Variants in SPIRE1 observed in about 807,000 individuals in gnomAD.
The protein encoded by SPIRE1 is spire type actin nucleation factor 1.
Under a neutral mutation model 94.1 loss-of-function variants are expected in SPIRE1, and 40 were observed. The ratio of observed to expected loss-of-function variants is 0.43; its 90% CI spans 0.33 to 0.55. The LOEUF (loss-of-function observed/expected upper bound fraction) is 0.55. Among genes scored for constraint, SPIRE1 ranks in the 20% least tolerant of loss-of-function variants. SPIRE1 has a pLI of 0.06. For synonymous variants in SPIRE1, 376 were observed against 371.7 expected, an observed-to-expected ratio of 1.01 and a Z score of -0.13; for missense variants, 838 against 975.2, an observed-to-expected ratio of 0.86 and a Z score of 1.87.
intron 1 of SPIRE1, among the ~76,000 whole-genome samples, chr18:12,646,557 G>A (rs992156104): frequency 2.0e-5 from 3 of 152,076 alleles, no homozygotes; most frequent in African/African-American, 7.2e-5. Flanking sequence ...ACCAAACCCT[G>A]GGACCAGGCA....
chr18:12,619,786 T>C (rs11875489), intron 2 of SPIRE1, among the ~76,000 whole-genome samples: 20,441 of 140,576 alleles, frequency 0.15, 1,659 homozygotes, highest in African/African-American at 0.21. Flanking sequence ...GTGGAGATTG[T>C]GGTGAGCCAA....
At chr18:12,661,407 T>C (rs984875152), upstream of SPIRE1, 4 of 961,270 alleles carry the variant, frequency 4.2e-6, no homozygotes, top group African/African-American at 1.8e-5. Flanking sequence ...GCCATTGATA[T>C]CTTCTCAGTG....
At chr18:12,624,702 G>T (rs1328287995) in intron 2 of SPIRE1, among the ~76,000 whole-genome samples, 1 of 151,370 alleles carries the variant, frequency 6.6e-6, no homozygotes, top group African/African-American at 2.4e-5. Flanking sequence ...AGGCATGGTG[G>T]TGGACACCTG....
intron 1 of SPIRE1, among the ~76,000 whole-genome samples, chr18:12,635,353 A>AT (rs1197336382): frequency 5.9e-5 from 9 of 152,194 alleles, no homozygotes; most frequent in Non-Finnish European, 1.2e-4. Context: ...ACATATGTAC[A>AT]TATTTAATAC....
intron 10 of SPIRE1, among the ~76,000 whole-genome samples, chr18:12,474,461 C>A (rs2032482198): frequency 6.6e-6 from 1 of 152,124 alleles, no homozygotes; most frequent in East Asian, 1.9e-4. Context: ...TCCCCATCTC[C>A]ATTTCCAGCT....
rs185991772 is a variant in SPIRE1, at chr18:12,488,397, G to A, written c.1190-2397C>T. On this transcript the variant is annotated intron_variant, in intron 8 of 16. Transcript: ENST00000409402. ...CCAGTGGGGAGGGCCTTTGTGGTTG[G>A]AGACGGACACACTGCAGAGCAGCAG... Among the ~76,000 whole-genome samples the A allele has an allele frequency of 1.9e-3, 292 of 152,280 alleles. 2 individuals are homozygous for A. The highest frequency in any genetic ancestry group is 3.9e-3 in the South Asian group (19 of 4,816).
At chr18:12,495,423 C>A (rs993980977) in intron 7 of SPIRE1, among the ~76,000 whole-genome samples, 6 of 151,986 alleles carry the variant, frequency 3.9e-5, no homozygotes, top group African/African-American at 1.5e-4. Flanking sequence ...TAGGTTGCAT[C>A]CTATAGTAAA....
At chr18:12,478,041 G>C (rs565006521) in intron 10 of SPIRE1, among the ~76,000 whole-genome samples, 47 of 152,182 alleles carry the variant, frequency 3.1e-4, no homozygotes, top group African/African-American at 1.1e-3. Flanking sequence ...GTGAGAAAGA[G>C]AGACCAACTG....
intron 4 of SPIRE1, among the ~76,000 whole-genome samples, chr18:12,518,352 G>A (rs1441260415): frequency 3.3e-5 from 5 of 152,130 alleles, no homozygotes; most frequent in Admixed American, 6.5e-5. Context: ...TGTAGGCCAA[G>A]TATGATGGCT....
intron 2 of SPIRE1, among the ~76,000 whole-genome samples, chr18:12,563,292 T>C (rs992040517): frequency 6.6e-6 from 1 of 152,042 alleles, no homozygotes; most frequent in Non-Finnish European, 1.5e-5. Flanking sequence ...ATCAAAATAA[T>C]ACAAATTTCA....
intron 8 of SPIRE1, among the ~76,000 whole-genome samples, chr18:12,487,009 T>C (rs548617744): frequency 1.3e-5 from 2 of 152,194 alleles, no homozygotes; most frequent in Non-Finnish European, 2.9e-5. Context: ...CCCACCAGCA[T>C]GCCTGGCTAC....
intron 4 of SPIRE1, among the ~76,000 whole-genome samples, chr18:12,527,343 T>C (rs199705114): frequency 6.6e-6 from 1 of 152,284 alleles, no homozygotes; most frequent in East Asian, 1.9e-4. Context: ...AGTTTTTCTA[T>C]CTACACGAGT....
chr18:12,544,186 TTTTC>T (rs988155955), intron 3 of SPIRE1, among the ~76,000 whole-genome samples: 21 of 151,978 alleles, frequency 1.4e-4, no homozygotes, highest in South Asian at 8.3e-4. Context: ...AAAAAATTTT[TTTTC>T]TTTCTTTCTT....
At chr18:12,460,712 CAAA>C (rs11461725) in intron 12 of SPIRE1, among the ~76,000 whole-genome samples, 1 of 140,494 alleles carries the variant, frequency 7.1e-6, no homozygotes. Context: ...AACTCCATCT[CAAA>C]AAAAAAAAAA....
At position 12,559,804 on chromosome 18, in the gene SPIRE1, A is replaced by G. The variant is rs994814379; in HGVS notation, c.373-12900T>C. On this transcript the variant is annotated intron_variant, in intron 2 of 16. Transcript: ENST00000409402. The surrounding 1 kb of genome is among the most constrained non-coding windows in gnomAD (Gnocchi z 4.7). ...CAGTGAAGAAAACAACAAAATGAAG[A>G]AACAACCCAAAGAACGGGAGAAAAT... Among the ~76,000 whole-genome samples, 1 of 152,208 alleles carries G rather than the reference A, an allele frequency of 6.6e-6. No homozygotes were observed. The highest frequency in any genetic ancestry group is 2.4e-5 in the African/African-American group (1 of 41,440).
chr18:12,463,342 T>C lies in SPIRE1; in HGVS notation c.1638+9A>G. The C allele has an allele frequency of 3.7e-6, 6 of 1,607,468 alleles. No homozygotes were observed. Among genetic ancestry groups the C allele is most frequent in the Non-Finnish European group, 5.1e-6 (6 of 1,176,506 alleles). The stretch of plus-strand genomic sequence containing the variant: ...CCCTAAGTTACTACAAAGTCTTTCC[T>C]GTACTTACAAGAGAGCGGGAACTCT... On this transcript the variant is annotated intron_variant, in intron 12 of 16. Transcript: ENST00000409402.
Position 12,632,648 on chromosome 18 carries a change from C to A in SPIRE1, c.372+2414G>T, listed in dbSNP as rs2037813956. ...AAATACCTATTTTTCTGAATTAAATCAATATCAGATTGAAATTTTTGTTTC... is the reference window on the plus strand; with the variant it reads ...AAATACCTATTTTTCTGAATTAAATAAATATCAGATTGAAATTTTTGTTTC... On this transcript the variant is annotated intron_variant, in intron 2 of 16. Coordinates refer to ENST00000409402, the MANE Select transcript of SPIRE1 (RefSeq NM_001128626.2). Among the ~76,000 whole-genome samples, 3 of 152,130 alleles carry A rather than the reference C, an allele frequency of 2.0e-5. No homozygotes were observed. In the South Asian group the frequency reaches 6.2e-4, roughly 31 times the overall value.
rs370509761 is a variant in SPIRE1 at position 12,473,037 on chromosome 18, C to T, written c.1404+6662G>A. On this transcript the variant is annotated intron_variant, in intron 10 of 16. Coordinates refer to ENST00000409402, the MANE Select transcript of SPIRE1 (RefSeq NM_001128626.2). Reference sequence around the variant, plus strand: ...CTTAAACTTCTGAACTCAAGTGATCCACTCACCTTGGCCTCCCAAAGTACT... The same window carrying T: ...CTTAAACTTCTGAACTCAAGTGATCTACTCACCTTGGCCTCCCAAAGTACT... Among the ~76,000 whole-genome samples, 30 of 152,256 alleles carry T rather than the reference C, an allele frequency of 2.0e-4. No homozygotes were observed. The South Asian group carries it at 5.2e-3, about 26-fold the overall frequency.
At chr18:12,639,882 A>C (rs2038037053) in intron 1 of SPIRE1, among the ~76,000 whole-genome samples, 1 of 151,914 alleles carries the variant, frequency 6.6e-6, no homozygotes, top group Admixed American at 6.6e-5. Flanking sequence ...AAAAAAAAAA[A>C]AAATTTATTA....
Sources: allele counts gnomAD v4.1 joint callset (sites outside exome capture counted in the v4.1 genomes callset), GRCh38; gene constraint gnomAD v4.1.1; non-coding constraint Gnocchi (gnomAD v3.1); transcripts MANE v1.5; gene names NCBI Gene and HGNC (gene_info 2026-07-23, HGNC 2026-07-21).